ZNF516: variants seen among roughly 807,000 people sequenced by gnomAD.
The protein encoded by ZNF516 is zinc finger protein 516.
ZNF516 carries 19 observed loss-of-function variants against 79.7 expected under a neutral mutation model. The observed-to-expected ratio is 0.24, with a 90% confidence interval of 0.17 to 0.35. The LOEUF (loss-of-function observed/expected upper bound fraction) is 0.35, where lower values mean the gene tolerates loss of function less well. Among genes scored for constraint, ZNF516 ranks in the 10% least tolerant of loss-of-function variants. ZNF516 has a pLI of 1.00. For missense variants in ZNF516, 1,678 were observed against 1,679.5 expected (o/e 1.00, Z 0.02); for synonymous variants, 877 against 739.5 (o/e 1.19, Z -3.02).
intron 3 of ZNF516, among the ~76,000 whole-genome samples, chr18:76,403,346 G>A (rs1408741737): frequency 2.0e-5 from 3 of 152,114 alleles, no homozygotes; most frequent in African/African-American, 4.8e-5. Context: ...ACGCTGCAAC[G>A]CACACCAACA....
intron 3 of ZNF516, among the ~76,000 whole-genome samples, chr18:76,384,688 G>C (rs537461614): frequency 1.3e-5 from 2 of 151,300 alleles, no homozygotes; most frequent in Non-Finnish European, 2.9e-5. Flanking sequence ...AACTCGGCTA[G>C]AGAAGTGTCC....
intron 3 of ZNF516, among the ~76,000 whole-genome samples, chr18:76,417,169 G>T (rs1447548873): frequency 6.6e-6 from 1 of 152,166 alleles, no homozygotes; most frequent in Non-Finnish European, 1.5e-5. Context: ...CCTCGATGCC[G>T]CAGCGGCTAC....
intron 1 of ZNF516, among the ~76,000 whole-genome samples, chr18:76,465,827 G>C (rs963738133): frequency 6.6e-6 from 1 of 152,178 alleles, no homozygotes; most frequent in African/African-American, 2.4e-5. Context: ...AAGTGTGATG[G>C]TCACGAAAAC....
chr18:76,360,608 G>A lies in ZNF516; in HGVS notation c.*1890C>T, dbSNP rs1271536704. On this transcript the variant is annotated 3_prime_UTR_variant, in exon 7 of 7. Coordinates refer to ENST00000443185, the MANE Select transcript of ZNF516 (RefSeq NM_014643.4). ...CAGATCATTTTCGTACATATCTGGTGTAAGAATATCAGAAAAAAATAAGTA... is the reference window on the plus strand; with the variant it reads ...CAGATCATTTTCGTACATATCTGGTATAAGAATATCAGAAAAAAATAAGTA... The A allele has an allele frequency of 2.1e-5, 2 of 94,146 alleles. No homozygotes were observed. The highest frequency in any genetic ancestry group is 7.9e-3 in the Middle Eastern group (1 of 126). The allele number at this position is 94,146 out of a possible 1,614,324, so 5.8% of individuals were successfully genotyped here. A position where few individuals can be genotyped will look rare whatever the true frequency, so the allele number is the denominator to read the frequency against.
At position 76,442,560 on chromosome 18, in the gene ZNF516, G is replaced by A. The variant is rs1911756947; in HGVS notation, c.495C>T (p.Cys165=). ...SSKKGAEGSA[C]APGEAKAAVQ... ...CCGCTGCCTTGGCCTCCCCCGGGGC[G>A]CATGCGGACCCCTCTGCCCCCTTCT... The change falls in exon 3 of 7, where the codon TGC becomes TGT. Residue 165 remains cysteine, a synonymous_variant. Transcript: ENST00000443185. The A allele has an allele frequency of 3.1e-6, 5 of 1,598,706 alleles. No individual in the cohort carries two copies. The highest frequency in any genetic ancestry group is 2.2e-5 in the East Asian group (1 of 44,858).
chr18:76,382,102 A>C (rs1019604079), intron 3 of ZNF516, among the ~76,000 whole-genome samples: 2 of 152,226 alleles, frequency 1.3e-5, no homozygotes, highest in Non-Finnish European at 2.9e-5. Context: ...ACTGCACTCC[A>C]GCCTGGGCAA....
At chr18:76,418,249 ACT>A (rs1352282747) in intron 3 of ZNF516, among the ~76,000 whole-genome samples, 2 of 152,106 alleles carry the variant, frequency 1.3e-5, no homozygotes, top group Non-Finnish European at 2.9e-5. Context: ...ACTATAACAC[ACT>A]AACATACACC....
chr18:76,400,974 T>A (rs1225078201), intron 3 of ZNF516, among the ~76,000 whole-genome samples: 1 of 152,078 alleles, frequency 6.6e-6, no homozygotes, highest in African/African-American at 2.4e-5. Flanking sequence ...AAACACAATA[T>A]ATATATATAT....
chr18:76,477,319 C>T (rs1914230821), intron 1 of ZNF516, among the ~76,000 whole-genome samples: 4 of 152,258 alleles, frequency 2.6e-5, no homozygotes, highest in South Asian at 2.1e-4. Context: ...ATAGCAAGCA[C>T]GAAAACTGAC....
At position 76,358,914 on chromosome 18, in the gene ZNF516, C is replaced by T. The variant is rs1352029021; in HGVS notation, c.*3584G>A. The T allele has an allele frequency of 1.3e-5, 2 of 152,312 alleles. No individual in the cohort carries two copies. Among genetic ancestry groups the T allele is most frequent in the Non-Finnish European group, 2.9e-5 (2 of 68,138 alleles). 9.4% of individuals were successfully genotyped at this position (152,312 alleles called of 1,614,324 possible). On this transcript the variant is annotated 3_prime_UTR_variant, in exon 7 of 7. Coordinates refer to ENST00000443185, the MANE Select transcript of ZNF516 (RefSeq NM_014643.4). ...CCCTACTGACCCTGTAACCTACACC[C>T]TCTCTGTCCAAAGAACAGAGGCCGA...
intron 3 of ZNF516, among the ~76,000 whole-genome samples, chr18:76,381,305 T>C (rs549598948): frequency 6.6e-6 from 1 of 152,350 alleles, no homozygotes; most frequent in South Asian, 2.1e-4. Flanking sequence ...TCTGTAAATC[T>C]AGACATCGAA....
chr18:76,427,209 T>TA (rs1159695615), intron 3 of ZNF516, among the ~76,000 whole-genome samples: 1 of 152,220 alleles, frequency 6.6e-6, no homozygotes, highest in African/African-American at 2.4e-5. Context: ...TTTCAACACT[T>TA]ACGACTGGAA....
At chr18:76,435,544 G>A (rs144653616) in intron 3 of ZNF516, among the ~76,000 whole-genome samples, 4 of 152,274 alleles carry the variant, frequency 2.6e-5, no homozygotes, top group East Asian at 1.9e-4. Flanking sequence ...AGTGGGCTCC[G>A]GTTGCTAAGA....
At position 76,371,033 on chromosome 18, in the gene ZNF516, G is replaced by A. The variant is rs748329234; in HGVS notation, c.3364+434C>T. 3.4e-4 allele frequency among the ~76,000 whole-genome samples: 51 copies of A among 152,174 alleles called. 2 individuals carry two copies. The highest frequency in any genetic ancestry group is 4.4e-4 in the Non-Finnish European group (30 of 68,026). The stretch of plus-strand genomic sequence containing the variant: ...GCAAGCTCTCTACATAAGGGCTGAG[G>A]GATTTTGCAGTACATCCTGCATGGT... On this transcript the variant is annotated intron_variant, in intron 5 of 6. Transcript: ENST00000443185.
chr18:76,395,423 T>C (rs998548028), intron 3 of ZNF516, among the ~76,000 whole-genome samples: 2 of 152,186 alleles, frequency 1.3e-5, no homozygotes, highest in African/African-American at 4.8e-5. Flanking sequence ...AGTCATTTAA[T>C]ATCCAAGACT....
At chr18:76,366,682 C>G (rs918085613) in intron 6 of ZNF516, among the ~76,000 whole-genome samples, 3 of 152,182 alleles carry the variant, frequency 2.0e-5, no homozygotes, top group African/African-American at 7.2e-5. Context: ...CAGAAAGGCT[C>G]TCCAAGTATG....
At position 76,379,700 on chromosome 18, in the gene ZNF516, C is replaced by T. The variant is rs781760407; in HGVS notation, c.2414G>A (p.Ser805Asn). The T allele has an allele frequency of 5.0e-5, 80 of 1,613,646 alleles. No homozygotes were observed. The highest frequency in any genetic ancestry group is 1.1e-4 in the East Asian group (5 of 44,886). ...GCTCCGGGAAAGGAAAACCAAATTG[C>T]TTCTGATGCTTTTGTAACCATTGGG... ...IQPNGYKSIR[S>N]NLVFLSRSGR... Residue 805 changes from serine (S) to asparagine (N), a missense_variant, in exon 4 of 7, where the codon AGC becomes AAC. Ser to Asn is a conservative substitution (Grantham distance 46). Coordinates refer to ENST00000443185, the MANE Select transcript of ZNF516 (RefSeq NM_014643.4).
intron 6 of ZNF516, among the ~76,000 whole-genome samples, chr18:76,368,210 C>A (rs754418288): frequency 1.3e-5 from 2 of 152,016 alleles, no homozygotes; most frequent in Non-Finnish European, 2.9e-5. Context: ...GAACAAGGAA[C>A]CCTAGGATTT....
intron 1 of ZNF516, chr18:76,490,994 C>G: frequency 3.0e-6 from 3 of 985,374 alleles, no homozygotes; most frequent in Non-Finnish European, 3.6e-6. Flanking sequence ...CCTCGCGAGG[C>G]GCCCCAAGCC....
Sources: gnomAD v4.1 joint callset for allele counts (sites outside exome capture counted in the v4.1 genomes callset) on GRCh38, gnomAD v4.1.1 for gene constraint, MANE v1.5 for transcripts, NCBI Gene and HGNC (gene_info 2026-07-23, HGNC 2026-07-21) for gene names.